The following HPCAL1 variants were observed in gnomAD, a reference collection of about 807,000 sequenced individuals.
HPCAL1 encodes hippocalcin like 1.
Under a neutral mutation model 17.1 loss-of-function variants are expected in HPCAL1, and 8 were observed. The ratio of observed to expected loss-of-function variants is 0.47; its 90% CI spans 0.27 to 0.84. The LOEUF (loss-of-function observed/expected upper bound fraction) is 0.84, where lower values mean the gene tolerates loss of function less well. Ranked by LOEUF, HPCAL1 falls within the 40% of genes least tolerant of loss-of-function variation. The pLI is 0.13. For synonymous variants in HPCAL1, 112 were observed against 111.4 expected, an observed-to-expected ratio of 1.01 and a Z score of -0.03; for missense variants, 165 against 271.1, an observed-to-expected ratio of 0.61 and a Z score of 2.75.
Position 10,391,739 on chromosome 2 carries a change from A to G in HPCAL1, c.-110-5096A>G, listed in dbSNP as rs566767906. 3.9e-5 allele frequency among the ~76,000 whole-genome samples: 6 copies of G among 152,158 alleles called. No homozygotes were observed. In the East Asian group the frequency reaches 7.7e-4, roughly 20 times the overall value. ...CCTTTTGTGTCTGGCATCTTTCATT[A>G]TATTTTTGGGGTCTTGTTGCTGTTT... On this transcript the variant is annotated intron_variant, in intron 1 of 4. Coordinates refer to ENST00000307845, the MANE Select transcript of HPCAL1 (RefSeq NM_002149.4).
Position 10,342,382 on chromosome 2 carries a change from C to T in HPCAL1, c.-111+39205C>T, listed in dbSNP as rs951606375. On this transcript the variant is annotated intron_variant, in intron 1 of 4. Coordinates refer to ENST00000307845, the MANE Select transcript of HPCAL1 (RefSeq NM_002149.4). The surrounding 1 kb of genome is among the most constrained non-coding windows in gnomAD (Gnocchi z 4.1). ...GGAATGCCACAGCCCTGCTTCTGTG[C>T]GAGGCCAGTCAGTCTGGGTCCTGGG... Among the ~76,000 whole-genome samples the T allele has an allele frequency of 5.3e-5, 8 of 152,132 alleles. No homozygotes were observed. Among genetic ancestry groups the T allele is most frequent in the Non-Finnish European group, 1.0e-4 (7 of 68,022 alleles).
intron 2 of HPCAL1, among the ~76,000 whole-genome samples, chr2:10,404,541 C>A (rs1669857573): frequency 6.6e-6 from 1 of 152,304 alleles, no homozygotes; most frequent in Non-Finnish European, 1.5e-5. Context: ...CACAGACTCC[C>A]CAGAGACGGA....
At chr2:10,358,015 C>G (rs989503293) in intron 1 of HPCAL1, among the ~76,000 whole-genome samples, 2 of 152,230 alleles carry the variant, frequency 1.3e-5, no homozygotes, top group African/African-American at 4.8e-5. Flanking sequence ...TGAAGGGTTC[C>G]TTTCCCGTGT....
In HPCAL1 at chr2:10,419,085, C is replaced by T. The variant is rs1670866394; in HGVS notation, c.-24-649C>T. ...AATTAGCTGGGCGCGGTGGTGCATG[C>T]CTGTAATCCCAGCTACTCAGGAGGC... On this transcript the variant is annotated intron_variant, in intron 2 of 4. Transcript: ENST00000307845. This position sits in a 1 kb window ranked among gnomAD's most constrained non-coding sequence, Gnocchi z 5.0. Among the ~76,000 whole-genome samples, 3 of 152,064 alleles carry T rather than the reference C, an allele frequency of 2.0e-5. No homozygotes were observed. The highest frequency in any genetic ancestry group is 7.3e-5 in the African/African-American group (3 of 41,366).
At chr2:10,385,720 C>T (rs1311145147) in intron 1 of HPCAL1, among the ~76,000 whole-genome samples, 1 of 152,152 alleles carries the variant, frequency 6.6e-6, no homozygotes, top group African/African-American at 2.4e-5. Context: ...AGAGGCTGCT[C>T]ATTTGCAGGG....
chr2:10,322,121 T>A (rs891418383), intron 1 of HPCAL1, among the ~76,000 whole-genome samples: 7 of 152,126 alleles, frequency 4.6e-5, no homozygotes. Context: ...CTCTATGGAT[T>A]ACATGTTCCT....
In HPCAL1 at chr2:10,365,174, C is replaced by T. The variant is rs762714962; in HGVS notation, c.-110-31661C>T. 7.2e-5 allele frequency among the ~76,000 whole-genome samples: 11 copies of T among 152,164 alleles called. No homozygotes were observed. The highest frequency in any genetic ancestry group is 1.3e-4 in the Admixed American group (2 of 15,284). ...GTTCTGAACTTAGCCACCTCATGTA[C>T]GGAAGGAGAAATGGAGGCCGCCAGA... is the stretch of plus-strand genomic sequence containing the variant. On this transcript the variant is annotated intron_variant, in intron 1 of 4. Transcript: ENST00000307845. The surrounding 1 kb of genome is among the most constrained non-coding windows in gnomAD (Gnocchi z 4.8).
At chr2:10,319,686 G>A (rs562117504) in intron 1 of HPCAL1, among the ~76,000 whole-genome samples, 49 of 151,844 alleles carry the variant, frequency 3.2e-4, no homozygotes, top group African/African-American at 1.2e-3. Context: ...GTAGGGAAAG[G>A]TGCTCTCACA....
At chr2:10,378,733 T>G (rs1038757959) in intron 1 of HPCAL1, among the ~76,000 whole-genome samples, 4 of 152,288 alleles carry the variant, frequency 2.6e-5, no homozygotes, top group Admixed American at 2.0e-4. Context: ...GTTCAGTCCA[T>G]GACCACATTG....
chr2:10,345,657 A>C (rs972281041), intron 1 of HPCAL1, among the ~76,000 whole-genome samples: 1 of 152,070 alleles, frequency 6.6e-6, no homozygotes, highest in African/African-American at 2.4e-5. Flanking sequence ...GGGTCTTGCT[A>C]TGCTGCCTGG....
chr2:10,308,543 T>C (rs990977168), intron 1 of HPCAL1, among the ~76,000 whole-genome samples: 6 of 152,202 alleles, frequency 3.9e-5, no homozygotes, highest in Admixed American at 6.5e-5. Flanking sequence ...CATTTGGGCC[T>C]TCCTAGAGTC....
At chr2:10,418,355 AC>A (rs1421885261) in intron 2 of HPCAL1, among the ~76,000 whole-genome samples, 1 of 147,886 alleles carries the variant, frequency 6.8e-6, no homozygotes, top group Non-Finnish European at 1.5e-5. Flanking sequence ...GATTGCTTGA[AC>A]CCAGGAGGTG....
rs1396881578 is a variant in HPCAL1, at chr2:10,419,429, C to T, written c.-24-305C>T. On this transcript the variant is annotated intron_variant, in intron 2 of 4. Coordinates refer to ENST00000307845, the MANE Select transcript of HPCAL1 (RefSeq NM_002149.4). The surrounding 1 kb of genome is among the most constrained non-coding windows in gnomAD (Gnocchi z 5.0). The stretch of plus-strand genomic sequence containing the variant: ...ATTTTAATCTTCGCCTCTCGTACAA[C>T]CCCTGGTGGGCACCGGATGATGCCC... Among the ~76,000 whole-genome samples the T allele has an allele frequency of 6.6e-6, 1 of 152,142 alleles. No homozygotes were observed. Among genetic ancestry groups the T allele is most frequent in the Non-Finnish European group, 1.5e-5 (1 of 68,030 alleles).
At chr2:10,340,924 C>T (rs1211490151) in intron 1 of HPCAL1, among the ~76,000 whole-genome samples, 1 of 152,170 alleles carries the variant, frequency 6.6e-6, no homozygotes, top group East Asian at 1.9e-4. Flanking sequence ...AACTCCTCTT[C>T]TCTGGGTTAA....
chr2:10,378,095 G>T (rs991715435), intron 1 of HPCAL1, among the ~76,000 whole-genome samples: 5 of 152,238 alleles, frequency 3.3e-5, no homozygotes, highest in Non-Finnish European at 2.9e-5. Context: ...TGGGTTTAAG[G>T]TTCTTGATGG....
In HPCAL1 at chr2:10,331,718, C is replaced by G. The variant is rs1368331762; in HGVS notation, c.-111+28541C>G. Among the ~76,000 whole-genome samples, 1 of 152,226 alleles carries G rather than the reference C, an allele frequency of 6.6e-6. No individual in the cohort carries two copies. Among genetic ancestry groups the G allele is most frequent in the Non-Finnish European group, 1.5e-5 (1 of 68,050 alleles). On this transcript the variant is annotated intron_variant, in intron 1 of 4. Transcript: ENST00000307845. The surrounding 1 kb of genome is among the most constrained non-coding windows in gnomAD (Gnocchi z 5.0). ...CCCCCGCATGCATCTTTCTCCCCGTCTGGCATGGTGTTTCTAGTCTTTTGT... is the reference window on the plus strand; with the variant it reads ...CCCCCGCATGCATCTTTCTCCCCGTGTGGCATGGTGTTTCTAGTCTTTTGT...
At chr2:10,313,380 C>G (rs889388963) in intron 1 of HPCAL1, among the ~76,000 whole-genome samples, 36 of 152,164 alleles carry the variant, frequency 2.4e-4, no homozygotes, top group African/African-American at 8.7e-4. Context: ...AATGTCTGCC[C>G]AGATGTGTGA....
In HPCAL1 at chr2:10,365,855, G is replaced by A. The variant is rs1384563521; in HGVS notation, c.-110-30980G>A. Among the ~76,000 whole-genome samples the A allele has an allele frequency of 6.6e-6, 1 of 152,052 alleles. No individual in the cohort carries two copies. On this transcript the variant is annotated intron_variant, in intron 1 of 4. Coordinates refer to ENST00000307845, the MANE Select transcript of HPCAL1 (RefSeq NM_002149.4). This position sits in a 1 kb window ranked among gnomAD's most constrained non-coding sequence, Gnocchi z 4.8. Reference sequence around the variant, plus strand: ...GTCCTCTTGCTGCCTCTCTGTGAGCGAGCCTCGCCTGCTGGGTGCTGAGCC... The same window carrying A: ...GTCCTCTTGCTGCCTCTCTGTGAGCAAGCCTCGCCTGCTGGGTGCTGAGCC...
chr2:10,410,935 C>T (rs1008784744), intron 2 of HPCAL1, among the ~76,000 whole-genome samples: 1 of 150,894 alleles, frequency 6.6e-6, no homozygotes, highest in Non-Finnish European at 1.5e-5. Flanking sequence ...ATTCCCCCCG[C>T]CCCCCGTTTC....
Sources: allele counts gnomAD v4.1 joint callset (sites outside exome capture counted in the v4.1 genomes callset), GRCh38; gene constraint gnomAD v4.1.1; non-coding constraint Gnocchi (gnomAD v3.1); transcripts MANE v1.5; gene names NCBI Gene and HGNC (gene_info 2026-07-23, HGNC 2026-07-21).